SLC7A11: variants seen among roughly 807,000 people sequenced by gnomAD.
The protein encoded by SLC7A11 is solute carrier family 7 member 11, also known as cystine/glutamate transporter.
In SLC7A11, 35 loss-of-function variants were observed where a neutral mutation model predicts 54.5. The ratio of observed to expected loss-of-function variants is 0.64; its 90% CI spans 0.49 to 0.85. SLC7A11 has a LOEUF of 0.85. Among genes scored for constraint, SLC7A11 ranks in the 40% least tolerant of loss-of-function variants. The pLI, the probability that SLC7A11 is intolerant of heterozygous loss-of-function variation, is 0.00. For synonymous variants in SLC7A11, 230 were observed against 225.2 expected, an observed-to-expected ratio of 1.02 and a Z score of -0.19; for missense variants, 583 against 618.1, an observed-to-expected ratio of 0.94 and a Z score of 0.60.
intron 5 of SLC7A11, among the ~76,000 whole-genome samples, chr4:138,216,656 G>A (rs534344963): frequency 2.4e-4 from 36 of 152,254 alleles, no homozygotes; most frequent in South Asian, 6.2e-4. Flanking sequence ...TCCCCACCCT[G>A]GGCTTGGTGG....
chr4:138,212,474 C>T (rs1337924169), intron 6 of SLC7A11, among the ~76,000 whole-genome samples: 1 of 150,862 alleles, frequency 6.6e-6, no homozygotes, highest in African/African-American at 2.4e-5. Context: ...TTATTATTTC[C>T]ATTTTTTAGA....
At chr4:138,202,994 C>A (rs79876725) in intron 6 of SLC7A11, among the ~76,000 whole-genome samples, 7 of 151,928 alleles carry the variant, frequency 4.6e-5, no homozygotes, top group Non-Finnish European at 8.8e-5. Context: ...CTTTAATACA[C>A]CTTATTTAAA....
chr4:138,186,522 A>G (rs1404334085), intron 6 of SLC7A11, among the ~76,000 whole-genome samples: 2 of 152,054 alleles, frequency 1.3e-5, no homozygotes, highest in Admixed American at 1.3e-4. Context: ...CGGATTCCCA[A>G]AGCCTTCAGC....
At chr4:138,213,532 CCT>C (rs71600143) in intron 6 of SLC7A11, among the ~76,000 whole-genome samples, 10 of 148,858 alleles carry the variant, frequency 6.7e-5, no homozygotes, top group African/African-American at 1.7e-4. Context: ...TTGTGTTTCT[CCT>C]CTCTCTCTCT....
intron 3 of SLC7A11, among the ~76,000 whole-genome samples, chr4:138,224,444 A>C: frequency 6.6e-6 from 1 of 152,182 alleles, no homozygotes; most frequent in East Asian, 1.9e-4. Flanking sequence ...GAATGAAACA[A>C]AACTCCTACA....
At chr4:138,212,442 C>T (rs941761853) in intron 6 of SLC7A11, among the ~76,000 whole-genome samples, 1 of 151,470 alleles carries the variant, frequency 6.6e-6, no homozygotes, top group Non-Finnish European at 1.5e-5. Context: ...TTCATCAACA[C>T]AACCCAGTGA....
At chr4:138,179,793 G>A (rs1208819525) in intron 10 of SLC7A11, among the ~76,000 whole-genome samples, 5 of 152,004 alleles carry the variant, frequency 3.3e-5, no homozygotes, top group South Asian at 2.1e-4. Flanking sequence ...CAAGAGCACC[G>A]GCTGCTTGTT....
chr4:138,210,923 C>A (rs1737529983), intron 6 of SLC7A11, among the ~76,000 whole-genome samples: 1 of 151,958 alleles, frequency 6.6e-6, no homozygotes, highest in South Asian at 2.1e-4. Flanking sequence ...ATAAGTAATT[C>A]TATGAAAAAG....
At chr4:138,188,797 G>C (rs1178129849) in intron 6 of SLC7A11, among the ~76,000 whole-genome samples, 4 of 152,130 alleles carry the variant, frequency 2.6e-5, no homozygotes, top group Admixed American at 2.6e-4. Flanking sequence ...AATCCTAAAT[G>C]CAACAAAAGC....
intron 6 of SLC7A11, among the ~76,000 whole-genome samples, chr4:138,212,685 A>ATTTC (rs1737579992): frequency 6.6e-6 from 1 of 151,884 alleles, no homozygotes; most frequent in East Asian, 1.9e-4. Flanking sequence ...GGTTGAGGTA[A>ATTTC]TAACGGCATA....
Position 138,170,566 on chromosome 4 carries a change from C to G in SLC7A11, c.*1390G>C, listed in dbSNP as rs1736401784. ...CCCGACCTCAGGTGATCCACCCCCT[C>G]AGCCTCCCAAAGTGCTGGGATTACA... On this transcript the variant is annotated 3_prime_UTR_variant, in exon 12 of 12. Coordinates refer to ENST00000280612, the MANE Select transcript of SLC7A11 (RefSeq NM_014331.4). The G allele has an allele frequency of 6.6e-6, 1 of 151,938 alleles. No homozygotes were observed. Among genetic ancestry groups the G allele is most frequent in the Non-Finnish European group, 1.5e-5 (1 of 68,000 alleles). 9.4% of individuals were successfully genotyped at this position (151,938 alleles called of 1,614,324 possible).
intron 5 of SLC7A11, among the ~76,000 whole-genome samples, chr4:138,216,259 G>C (rs564027786): frequency 2.0e-5 from 3 of 152,240 alleles, no homozygotes; most frequent in African/African-American, 7.2e-5. Flanking sequence ...TTATTCTTTA[G>C]ATTAGATTTG....
At chr4:138,179,898 T>A (rs1018705671) in intron 10 of SLC7A11, among the ~76,000 whole-genome samples, 5 of 152,114 alleles carry the variant, frequency 3.3e-5, no homozygotes, top group African/African-American at 1.2e-4. Flanking sequence ...ATTCAACCGC[T>A]AATAAAGATG....
At chr4:138,179,148 T>G (rs1736654613) in intron 11 of SLC7A11, 69 bp downstream of exon 11, 1 of 1,021,634 alleles carries the variant, frequency 9.8e-7, no homozygotes, top group Non-Finnish European at 1.5e-6. Flanking sequence ...AAGTATATTA[T>G]GTATGCACAC....
intron 1 of SLC7A11, 110 bp downstream of exon 1, chr4:138,241,683 G>A (rs1738382815): frequency 6.0e-6 from 5 of 830,644 alleles, no homozygotes; most frequent in South Asian, 3.3e-5. Context: ...TAAAAATTTG[G>A]TGTGGCCTTT....
Position 138,171,917 on chromosome 4 carries a change from T to C in SLC7A11, c.*39A>G. ...GAAGTAAAAATCCCTATTTTGTGTCTCCCCTTGGGCAGATTGCCAAGATCT... is the reference window on the plus strand; with the variant it reads ...GAAGTAAAAATCCCTATTTTGTGTCCCCCCTTGGGCAGATTGCCAAGATCT... On this transcript the variant is annotated 3_prime_UTR_variant, in exon 12 of 12. Coordinates refer to ENST00000280612, the MANE Select transcript of SLC7A11 (RefSeq NM_014331.4). The C allele has an allele frequency of 6.4e-7, 1 of 1,556,158 alleles. No individual in the cohort carries two copies. The highest frequency in any genetic ancestry group is 8.6e-7 in the Non-Finnish European group (1 of 1,161,402).
chr4:138,214,924 G>C (rs1011191091), intron 5 of SLC7A11, among the ~76,000 whole-genome samples: 1 of 152,126 alleles, frequency 6.6e-6, no homozygotes, highest in Non-Finnish European at 1.5e-5. Flanking sequence ...TCCAATACTG[G>C]AGCAAGCACG....
chr4:138,179,322 G>A lies in SLC7A11; in HGVS notation c.1339C>T (p.Pro447Ser). 1 of 1,612,562 alleles carries A rather than the reference G, an allele frequency of 6.2e-7. No homozygotes were observed. Residue 447 changes from proline to serine, a missense_variant, in exon 11 of 12, where the codon CCA (proline) becomes TCA (serine). Transcript: ENST00000280612. ...FMVALSLYSD[P>S]FSTGIGFVIT... ...ACGAAGCCAATCCCTGTACTAAATG[G>A]GTCCGAATAGAGGGAAAGGGCAACC...
In SLC7A11 at chr4:138,169,896, G is replaced by A. The variant is rs1047801488; in HGVS notation, c.*2060C>T. 4 of 151,800 alleles carry A rather than the reference G, an allele frequency of 2.6e-5. No homozygotes were observed. The highest frequency in any genetic ancestry group is 2.1e-4 in the South Asian group (1 of 4,826). 9.4% of individuals were successfully genotyped at this position (151,800 alleles called of 1,614,324 possible). ...TATAAATTCACTCAGAGACCCAAAC[G>A]TTAGGTTCAGCTAAAGAAATGTCAG... On this transcript the variant is annotated 3_prime_UTR_variant, in exon 12 of 12. Transcript: ENST00000280612.
Sources: gnomAD v4.1 joint callset for allele counts (sites outside exome capture counted in the v4.1 genomes callset) on GRCh38, gnomAD v4.1.1 for gene constraint, MANE v1.5 for transcripts, NCBI Gene and HGNC (gene_info 2026-07-23, HGNC 2026-07-21) for gene names.